Variants in RERG observed in about 807,000 individuals in gnomAD.
RERG encodes the protein ras-related and estrogen-regulated growth inhibitor.
RERG carries 25 observed loss-of-function variants against 23.2 expected under a neutral mutation model. That is an observed-to-expected ratio of 1.08 (90% CI 0.79 to 1.50). The LOEUF is 1.50. Among genes scored for constraint, RERG ranks in the 40% most tolerant of loss-of-function variants. RERG has a pLI of 0.00. For missense variants in RERG, 253 were observed against 250.1 expected (o/e 1.01, Z -0.08); for synonymous variants, 81 against 89.1 (o/e 0.91, Z 0.51).
intron 2 of RERG, among the ~76,000 whole-genome samples, chr12:15,175,483 T>A (rs1390601708): frequency 6.6e-6 from 1 of 151,586 alleles, no homozygotes; most frequent in African/African-American, 2.4e-5. Context: ...AGCCAAAGAC[T>A]AGAGACTGGG....
intron 1 of RERG, chr12:15,217,804 C>G (rs1249014130): frequency 7.7e-6 from 2 of 260,788 alleles, no homozygotes; most frequent in African/African-American, 4.5e-5. Flanking sequence ...GGATTTGGAT[C>G]TGGTTGGTAC....
chr12:15,142,504 G>A (rs888722680), intron 2 of RERG, among the ~76,000 whole-genome samples: 1 of 152,096 alleles, frequency 6.6e-6, no homozygotes, highest in African/African-American at 2.4e-5. Flanking sequence ...GCTCATCAAA[G>A]ATTGTTTTGC....
chr12:15,196,153 C>T (rs1865141288), intron 2 of RERG, among the ~76,000 whole-genome samples: 1 of 152,130 alleles, frequency 6.6e-6, no homozygotes, highest in Admixed American at 6.6e-5. Context: ...GTAAGCTCTG[C>T]CTGGTCAACA....
chr12:15,165,844 G>T (rs1276071255), intron 2 of RERG, among the ~76,000 whole-genome samples: 5 of 152,126 alleles, frequency 3.3e-5, no homozygotes, highest in African/African-American at 7.2e-5. Flanking sequence ...CCAATCCTAG[G>T]ATCTTATCCT....
intron 2 of RERG, among the ~76,000 whole-genome samples, chr12:15,190,809 C>T (rs570801506): frequency 1.3e-5 from 2 of 152,208 alleles, no homozygotes; most frequent in East Asian, 3.9e-4. Context: ...TTTATCATCC[C>T]ATAGTTTCTG....
At chr12:15,147,562 A>T (rs979607650) in intron 2 of RERG, among the ~76,000 whole-genome samples, 1 of 152,254 alleles carries the variant, frequency 6.6e-6, no homozygotes, top group African/African-American at 2.4e-5. Flanking sequence ...CATAGAGAAC[A>T]TGTATCTGAA....
rs1865178476 is a variant in RERG at position 15,198,759 on chromosome 12, C to T, written c.61+18670G>A. Among the ~76,000 whole-genome samples, 3 of 152,282 alleles carry T rather than the reference C, an allele frequency of 2.0e-5. No individual in the cohort carries two copies. The South Asian group carries it at 6.2e-4, about 32-fold the overall frequency. On this transcript the variant is annotated intron_variant, in intron 2 of 4. Coordinates refer to ENST00000256953, the MANE Select transcript of RERG (RefSeq NM_032918.3). ...ACTTAACATTTCATGGCTAATTATC[C>T]CTTTCCCCTATCCTCAAAGCCAGTA...
chr12:15,177,779 C>G (rs1194524716), intron 2 of RERG, among the ~76,000 whole-genome samples: 4 of 140,498 alleles, frequency 2.8e-5, no homozygotes, highest in Non-Finnish European at 6.1e-5. Flanking sequence ...ATGTGAGGAA[C>G]AAAGAAGCAA....
At chr12:15,196,541 T>C (rs1419071122) in intron 2 of RERG, among the ~76,000 whole-genome samples, 1 of 152,166 alleles carries the variant, frequency 6.6e-6, no homozygotes, top group African/African-American at 2.4e-5. Flanking sequence ...AATCAGGTCC[T>C]CAGCTCCCAA....
chr12:15,121,091 C>T lies in RERG; in HGVS notation c.90G>A (p.Arg30=), dbSNP rs1436705060. Residue 30 remains arginine, a synonymous_variant, in exon 3 of 5, where the codon CGG becomes CGA. Coordinates refer to ENST00000256953, the MANE Select transcript of RERG (RefSeq NM_032918.3). ...GGGTGGGATCATATTCCCAGATGAA[C>T]CGTTTGGTCAGAAATCTCACTACAA... ...SALVVRFLTK[R]FIWEYDPTLE... 1 of 1,613,424 alleles carries T rather than the reference C, an allele frequency of 6.2e-7. No homozygotes were observed. The highest frequency in any genetic ancestry group is 8.5e-7 in the Non-Finnish European group (1 of 1,179,526).
chr12:15,190,876 G>C (rs1363167036), intron 2 of RERG, among the ~76,000 whole-genome samples: 1 of 152,144 alleles, frequency 6.6e-6, no homozygotes, highest in African/African-American at 2.4e-5. Context: ...TCCCAGTTGG[G>C]ATTGCAGCCT....
chr12:15,162,250 C>A (rs999706273), intron 2 of RERG, among the ~76,000 whole-genome samples: 6 of 152,206 alleles, frequency 3.9e-5, no homozygotes, highest in African/African-American at 1.4e-4. Context: ...CTGAGTGAAA[C>A]AAGGTCCAGG....
chr12:15,148,389 G>A (rs1864369291), intron 2 of RERG, among the ~76,000 whole-genome samples: 1 of 152,102 alleles, frequency 6.6e-6, no homozygotes, highest in South Asian at 2.1e-4. Context: ...GAATAAAGAA[G>A]GTAGAAATGC....
intron 2 of RERG, among the ~76,000 whole-genome samples, chr12:15,204,893 T>C (rs1865263432): frequency 6.6e-6 from 1 of 151,966 alleles, no homozygotes; most frequent in Non-Finnish European, 1.5e-5. Flanking sequence ...CCTTCCCTAG[T>C]TATATTTTCA....
intron 2 of RERG, among the ~76,000 whole-genome samples, chr12:15,197,896 T>G (rs1420940792): frequency 6.6e-6 from 1 of 152,140 alleles, no homozygotes; most frequent in East Asian, 1.9e-4. Context: ...GCTCAGCCTG[T>G]CTTGGTTGCT....
At chr12:15,202,340 G>T (rs1418314581) in intron 2 of RERG, among the ~76,000 whole-genome samples, 1 of 151,672 alleles carries the variant, frequency 6.6e-6, no homozygotes, top group Non-Finnish European at 1.5e-5. Context: ...AAATTTTTAA[G>T]CGCACAACAC....
chr12:15,194,126 T>C (rs143981247), intron 2 of RERG, among the ~76,000 whole-genome samples: 3 of 152,266 alleles, frequency 2.0e-5, no homozygotes, highest in Non-Finnish European at 4.4e-5. Flanking sequence ...CTTCAGGGGA[T>C]TGTGCTAAAT....
Position 15,108,914 on chromosome 12 carries a change from G to A in RERG, c.*196C>T. 1 of 545,410 alleles carries A rather than the reference G, an allele frequency of 1.8e-6. No individual in the cohort carries two copies. Among genetic ancestry groups the A allele is most frequent in the Non-Finnish European group, 3.2e-6 (1 of 313,458 alleles). The allele number at this position is 545,410 out of a possible 1,614,324, so 33.8% of individuals were successfully genotyped here. A position where few individuals can be genotyped will look rare whatever the true frequency, so the allele number is the denominator to read the frequency against. On this transcript the variant is annotated 3_prime_UTR_variant, in exon 5 of 5. Transcript: ENST00000256953. ...ATTAGAGTGTATCTTATTCAAGCAG[G>A]AAAGGAAGAAATTGTTAGCACTGAA...
intron 2 of RERG, among the ~76,000 whole-genome samples, chr12:15,215,056 T>C (rs1865421735): frequency 6.6e-6 from 1 of 152,230 alleles, no homozygotes; most frequent in Non-Finnish European, 1.5e-5. Context: ...GTTAAAGATA[T>C]GTAGTCTGTC....
Sources: allele counts gnomAD v4.1 joint callset (sites outside exome capture counted in the v4.1 genomes callset), GRCh38; gene constraint gnomAD v4.1.1; transcripts MANE v1.5; gene names NCBI Gene and HGNC (gene_info 2026-07-23, HGNC 2026-07-21).